The following COL4A3 variants were observed in gnomAD, a reference collection of about 807,000 sequenced individuals.
COL4A3 encodes collagen type IV alpha 3 chain.
Under a neutral mutation model 217.4 loss-of-function variants are expected in COL4A3, and 135 were observed. The observed-to-expected ratio is 0.62, with a 90% confidence interval of 0.54 to 0.72. COL4A3 has a LOEUF of 0.72. COL4A3 is among the 30% of genes least tolerant of loss of function. COL4A3 has a pLI of 0.00. For missense variants in COL4A3, 1,868 were observed against 2,119.9 expected (o/e 0.88, Z 2.33); for synonymous variants, 690 against 736.3 (o/e 0.94, Z 1.02).
At position 227,282,275 on chromosome 2, in the gene COL4A3, A is replaced by ATAT. The variant is rs1559896717; in HGVS notation, c.2489-90_2489-89insTAT. 5,253 of 353,792 alleles carry ATAT rather than the reference A, an allele frequency of 0.015. 62 individuals carry two copies. Among genetic ancestry groups the ATAT allele is most frequent in the Admixed American group, 0.025 (455 of 18,412 alleles). 21.9% of individuals were successfully genotyped at this position (353,792 alleles called of 1,614,324 possible). On this transcript the variant is annotated intron_variant, in intron 31 of 51. Transcript: ENST00000396578. This position sits in a 1 kb window ranked among gnomAD's most constrained non-coding sequence, Gnocchi z 4.4. ...AGACAGAGGGAGATTCCATCTTAAA[A>ATAT]ATATATATATATATATATATATATA...
chr2:227,243,195 G>C lies in COL4A3; in HGVS notation c.235-1125G>C, dbSNP rs202210760. Among the ~76,000 whole-genome samples the C allele has an allele frequency of 2.6e-5, 4 of 152,204 alleles. No individual in the cohort carries two copies. In the East Asian group the frequency reaches 7.7e-4, roughly 29 times the overall value. On this transcript the variant is annotated intron_variant, in intron 3 of 51. Coordinates refer to ENST00000396578, the MANE Select transcript of COL4A3 (RefSeq NM_000091.5). ...ATGGCACTTAGTATGGGTTACATGA[G>C]TGCAGGCATTCCAGAAGATTAATCC...
chr2:227,168,676 G>T lies in COL4A3; in HGVS notation c.87+3863G>T, dbSNP rs1327144923. Among the ~76,000 whole-genome samples, 5 of 151,696 alleles carry T rather than the reference G, an allele frequency of 3.3e-5. No individual in the cohort carries two copies. In the East Asian group the frequency reaches 9.7e-4, roughly 29 times the overall value. On this transcript the variant is annotated intron_variant, in intron 1 of 51. Transcript: ENST00000396578. The stretch of plus-strand genomic sequence containing the variant: ...TTTGACATTTTGTCTTTTGTACCTT[G>T]TCAAAATTTTTTTTTCCTTTCCTGG...
intron 1 of COL4A3, among the ~76,000 whole-genome samples, chr2:227,209,425 A>G (rs182335445): frequency 1.5e-3 from 232 of 152,270 alleles, no homozygotes; most frequent in Admixed American, 2.7e-3. Flanking sequence ...ATCTTCCCCA[A>G]CGGATTCCTT....
intron 1 of COL4A3, among the ~76,000 whole-genome samples, chr2:227,232,426 T>C (rs768936538): frequency 2.6e-5 from 4 of 152,250 alleles, no homozygotes; most frequent in Non-Finnish European, 5.9e-5. Context: ...GTGCAATTTT[T>C]AGTTTTTTGA....
chr2:227,293,219 G>C lies in COL4A3; in HGVS notation c.3239G>C (p.Gly1080Ala), dbSNP rs755128292. ...TGDPGLPGDM[G>A]KKGEMGQPGP... ...GATCCAGGACTGCCGGGTGATATGG[G>C]AAAGAAAGGAGAAATGGGGCAACCT... Residue 1080 changes from glycine (G) to alanine (A), a missense_variant, in exon 38 of 52, where the codon GGA becomes GCA. Coordinates refer to ENST00000396578, the MANE Select transcript of COL4A3 (RefSeq NM_000091.5). 1 of 1,613,948 alleles carries C rather than the reference G, an allele frequency of 6.2e-7. No individual in the cohort carries two copies. The highest frequency in any genetic ancestry group is 8.5e-7 in the Non-Finnish European group (1 of 1,180,008).
At chr2:227,311,673 C>T (rs1302584792) in intron 51 of COL4A3, 113 bp from the exon 52 acceptor site, 33 of 1,046,684 alleles carry the variant, frequency 3.2e-5, no homozygotes, top group East Asian at 5.4e-5. Flanking sequence ...CCACCACGCC[C>T]GACCCTGTAA....
chr2:227,218,726 G>GAAAA (rs1479816904), intron 1 of COL4A3, among the ~76,000 whole-genome samples: 1 of 152,098 alleles, frequency 6.6e-6, no homozygotes, highest in Admixed American at 6.5e-5. Flanking sequence ...TATTAGGAAA[G>GAAAA]GTGGAAATAG....
chr2:227,231,931 A>T (rs1324087688), intron 1 of COL4A3, among the ~76,000 whole-genome samples: 1 of 151,564 alleles, frequency 6.6e-6, no homozygotes, highest in African/African-American at 2.4e-5. Flanking sequence ...TGTACCCATT[A>T]ATCATTCCAC....
chr2:227,264,218 C>A (rs2070759895), intron 21 of COL4A3, among the ~76,000 whole-genome samples: 1 of 152,210 alleles, frequency 6.6e-6, no homozygotes, highest in African/African-American at 2.4e-5. Flanking sequence ...GGGTGGCTAT[C>A]AAGTTGGCCT....
intron 48 of COL4A3, 91 bp from the exon 49 acceptor site, chr2:227,308,808 C>A: frequency 7.6e-7 from 1 of 1,322,800 alleles, no homozygotes; most frequent in Non-Finnish European, 1.1e-6. Flanking sequence ...GCTTTTGCTG[C>A]AGGTTACATT....
chr2:227,174,365 T>C (rs187408306), intron 1 of COL4A3, among the ~76,000 whole-genome samples: 49 of 152,308 alleles, frequency 3.2e-4, no homozygotes, highest in Admixed American at 3.0e-3. Context: ...GGTTTAGTAT[T>C]ACATTGGCCA....
intron 43 of COL4A3, among the ~76,000 whole-genome samples, chr2:227,299,324 G>A (rs7557988): frequency 0.75 from 113,738 of 151,860 alleles, 44,343 homozygotes; most frequent in Non-Finnish European, 0.87. Flanking sequence ...GAACCCGGGA[G>A]GCGGAGCTTG....
At chr2:227,217,972 A>C (rs1001659023) in intron 1 of COL4A3, among the ~76,000 whole-genome samples, 3 of 146,652 alleles carry the variant, frequency 2.0e-5, no homozygotes, top group African/African-American at 7.3e-5. Context: ...TTGCTTTAAG[A>C]GTCAGATTCA....
In COL4A3 at chr2:227,294,523, A is replaced by T; in HGVS notation, c.3371A>T (p.Lys1124Ile). Residue 1124 changes from lysine to isoleucine, a missense_variant, in exon 39 of 52, where the codon AAA becomes ATA. Lys to Ile is a moderately radical substitution (Grantham distance 102, BLOSUM62 -3). Transcript: ENST00000396578. The stretch of plus-strand genomic sequence containing the variant: ...GGTCCTCATGGTGATTTGGGTTTTA[A>T]AGGAATCAAAGGCCTCCTGGGCCCT... The part of the protein sequence containing the change: ...KPGPHGDLGF[K>I]GIKGLLGPPG... 1.2e-6 allele frequency: 2 copies of T among 1,613,884 alleles called. No homozygotes were observed. Among genetic ancestry groups the T allele is most frequent in the Non-Finnish European group, 1.7e-6 (2 of 1,179,774 alleles).
chr2:227,267,540 T>C (rs1486734774), intron 23 of COL4A3, among the ~76,000 whole-genome samples: 3 of 152,204 alleles, frequency 2.0e-5, no homozygotes, highest in African/African-American at 7.2e-5. Context: ...AGGATGCAAA[T>C]GCTCTTTAAA....
intron 43 of COL4A3, among the ~76,000 whole-genome samples, chr2:227,302,704 A>AAAAAAAAAAAAAAAAC (rs2073345582): frequency 1.4e-5 from 2 of 145,716 alleles, no homozygotes; most frequent in African/African-American, 2.5e-5. Flanking sequence ...AAAAAAAAAA[A>AAAAAAAAAAAAAAAAC]AATCATTCTG....
intron 26 of COL4A3, among the ~76,000 whole-genome samples, chr2:227,274,563 A>C (rs2071445822): frequency 6.6e-6 from 1 of 151,820 alleles, no homozygotes; most frequent in Non-Finnish European, 1.5e-5. Flanking sequence ...CAATGGCGCA[A>C]TCTTGGCTCA....
At chr2:227,289,851 T>C (rs764276296) in intron 35 of COL4A3, 148 bp from the exon 36 acceptor site, 5 of 730,342 alleles carry the variant, frequency 6.8e-6, no homozygotes, top group East Asian at 5.5e-5. Flanking sequence ...TCCCTCTTAT[T>C]TGAAGGAAAA....
At chr2:227,174,440 C>T (rs1577025266) in intron 1 of COL4A3, among the ~76,000 whole-genome samples, 1 of 152,282 alleles carries the variant, frequency 6.6e-6, no homozygotes, top group East Asian at 1.9e-4. Flanking sequence ...TTATAGCAGA[C>T]AGAAGTGCTC....
Sources: gnomAD v4.1 joint callset for allele counts (sites outside exome capture counted in the v4.1 genomes callset) on GRCh38, gnomAD v4.1.1 for gene constraint, Gnocchi (gnomAD v3.1) non-coding constraint, MANE v1.5 for transcripts, NCBI Gene and HGNC (gene_info 2026-07-23, HGNC 2026-07-21) for gene names.